Variants in SRBD1 observed in about 807,000 individuals in gnomAD.
The protein encoded by SRBD1 is S1 RNA-binding domain-containing protein 1.
Under a neutral mutation model 115.3 loss-of-function variants are expected in SRBD1, and 88 were observed. That is an observed-to-expected ratio of 0.76 (90% CI 0.64 to 0.91). The LOEUF (loss-of-function observed/expected upper bound fraction) is 0.91, where lower values mean the gene tolerates loss of function less well. Ranked by LOEUF, SRBD1 falls within the 40% of genes least tolerant of loss-of-function variation. The pLI is 0.00. For missense variants in SRBD1, 1,385 were observed against 1,177.4 expected (o/e 1.18, Z -2.58); for synonymous variants, 509 against 407.7 (o/e 1.25, Z -2.99).
At chr2:45,595,909 T>C (rs1041297201) in intron 4 of SRBD1, among the ~76,000 whole-genome samples, 1 of 152,038 alleles carries the variant, frequency 6.6e-6, no homozygotes. Flanking sequence ...GGTGGCAGCG[T>C]CCCAAAAACC....
At chr2:45,407,448 G>A (rs892309186) in intron 19 of SRBD1, among the ~76,000 whole-genome samples, 1 of 152,070 alleles carries the variant, frequency 6.6e-6, no homozygotes, top group African/African-American at 2.4e-5. Flanking sequence ...TTCACAAAGG[G>A]TACTTTCTAA....
chr2:45,494,930 TG>T (rs772441302), intron 14 of SRBD1, among the ~76,000 whole-genome samples: 1 of 152,250 alleles, frequency 6.6e-6, no homozygotes, highest in Non-Finnish European at 1.5e-5. Context: ...GTTTTGTTTT[TG>T]TTTTTTTAAG....
At chr2:45,469,543 A>C (rs912223794) in intron 16 of SRBD1, among the ~76,000 whole-genome samples, 1 of 152,194 alleles carries the variant, frequency 6.6e-6, no homozygotes, top group Non-Finnish European at 1.5e-5. Context: ...GTGTTACACT[A>C]GGTTATGTGT....
At chr2:45,484,902 G>T (rs1050858739) in intron 15 of SRBD1, among the ~76,000 whole-genome samples, 4 of 152,186 alleles carry the variant, frequency 2.6e-5, no homozygotes, top group Non-Finnish European at 5.9e-5. Flanking sequence ...TTCATATGGT[G>T]TTGTAGCATG....
At chr2:45,518,954 C>T (rs928885784) in intron 14 of SRBD1, among the ~76,000 whole-genome samples, 5 of 134,588 alleles carry the variant, frequency 3.7e-5, no homozygotes, top group South Asian at 4.6e-4. Context: ...CTCCTAAGAA[C>T]GAATAAGGCT....
chr2:45,586,317 C>A (rs1233343001), intron 4 of SRBD1, among the ~76,000 whole-genome samples: 1 of 151,802 alleles, frequency 6.6e-6, no homozygotes, highest in African/African-American at 2.4e-5. Flanking sequence ...GAGCAAAAAC[C>A]TAAGTTTACA....
chr2:45,497,703 C>A (rs1670500999), intron 14 of SRBD1, among the ~76,000 whole-genome samples: 1 of 151,490 alleles, frequency 6.6e-6, no homozygotes, highest in Non-Finnish European at 1.5e-5. Context: ...AAATGTTGTA[C>A]AACCATCACC....
intron 14 of SRBD1, among the ~76,000 whole-genome samples, chr2:45,536,556 T>C (rs2103997305): frequency 6.6e-6 from 1 of 152,312 alleles, no homozygotes; most frequent in East Asian, 1.9e-4. Flanking sequence ...AGTTTTATCA[T>C]GTGTTAATAA....
At chr2:45,546,630 A>T in intron 14 of SRBD1, 102 bp downstream of exon 14, 2 of 1,157,454 alleles carry the variant, frequency 1.7e-6, no homozygotes, top group Non-Finnish European at 2.5e-6. Context: ...CTGGAGGGCA[A>T]AGAAGATGTA....
intron 16 of SRBD1, among the ~76,000 whole-genome samples, chr2:45,434,146 T>C (rs972045784): frequency 3.9e-5 from 6 of 152,236 alleles, no homozygotes; most frequent in East Asian, 1.9e-4. Flanking sequence ...ATGAACCTAT[T>C]ATCAATTATC....
At chr2:45,463,017 C>CGG (rs11470984) in intron 16 of SRBD1, among the ~76,000 whole-genome samples, 92 of 116,186 alleles carry the variant, frequency 7.9e-4, no homozygotes, top group Admixed American at 1.2e-3. Context: ...GAGAATAACC[C>CGG]GGGGGGGGGG....
At chr2:45,488,922 A>T (rs1032302595) in intron 14 of SRBD1, among the ~76,000 whole-genome samples, 3 of 152,144 alleles carry the variant, frequency 2.0e-5, no homozygotes, top group African/African-American at 7.2e-5. Context: ...TCTGAAAATC[A>T]TCATCCTTTC....
chr2:45,414,445 T>C (rs988897733), intron 18 of SRBD1, among the ~76,000 whole-genome samples: 2 of 147,006 alleles, frequency 1.4e-5, no homozygotes, highest in African/African-American at 5.2e-5. Flanking sequence ...CACTATATAG[T>C]ATATATGTAG....
At chr2:45,451,007 T>A (rs148725602) in intron 16 of SRBD1, among the ~76,000 whole-genome samples, 152 of 152,276 alleles carry the variant, frequency 1.0e-3, no homozygotes, top group African/African-American at 3.4e-3. Flanking sequence ...GGATCTCTTT[T>A]CATTCCTGTA....
intron 14 of SRBD1, among the ~76,000 whole-genome samples, chr2:45,539,180 A>G (rs1217096478): frequency 1.3e-5 from 2 of 152,148 alleles, no homozygotes; most frequent in African/African-American, 4.8e-5. Flanking sequence ...ACTGAAAACA[A>G]CTAAAAGACC....
intron 19 of SRBD1, among the ~76,000 whole-genome samples, chr2:45,401,211 G>A (rs963845525): frequency 6.6e-6 from 1 of 152,162 alleles, no homozygotes; most frequent in Non-Finnish European, 1.5e-5. Flanking sequence ...CACTAGGGAG[G>A]GTGAGGAGTA....
chr2:45,583,162 T>C (rs1232737236), intron 5 of SRBD1, among the ~76,000 whole-genome samples: 1 of 151,856 alleles, frequency 6.6e-6, no homozygotes, highest in African/African-American at 2.4e-5. Context: ...GATGATAATA[T>C]GATTTATTCA....
At chr2:45,498,715 T>C (rs1026790260) in intron 14 of SRBD1, among the ~76,000 whole-genome samples, 2 of 152,184 alleles carry the variant, frequency 1.3e-5, no homozygotes, top group African/African-American at 4.8e-5. Context: ...GTCAACTTTT[T>C]TGTCTCCCAT....
At chr2:45,411,111 C>T (rs1294022101) in intron 19 of SRBD1, among the ~76,000 whole-genome samples, 2 of 152,144 alleles carry the variant, frequency 1.3e-5, no homozygotes, top group Admixed American at 6.5e-5. Flanking sequence ...GTTCTGAGCC[C>T]TCAACCTGTG....
Sources: allele counts gnomAD v4.1 joint callset (sites outside exome capture counted in the v4.1 genomes callset), GRCh38; gene constraint gnomAD v4.1.1; transcripts MANE v1.5; gene names NCBI Gene and HGNC (gene_info 2026-07-23, HGNC 2026-07-21).